RANBP10: variants seen among roughly 807,000 people sequenced by gnomAD.
The protein encoded by RANBP10 is ran-binding protein 10.
In RANBP10, 24 loss-of-function variants were observed where a neutral mutation model predicts 72.8. That is an observed-to-expected ratio of 0.33 (90% confidence interval 0.24 to 0.46). The LOEUF is 0.46. RANBP10 is among the 20% of genes least tolerant of loss of function. The pLI is 1.00. For missense variants in RANBP10, 679 were observed against 817.5 expected, an observed-to-expected ratio of 0.83 and a Z score of 2.07; for synonymous variants, 310 against 322.3, an observed-to-expected ratio of 0.96 and a Z score of 0.41.
intron 5 of RANBP10, among the ~76,000 whole-genome samples, chr16:67,736,795 G>A: frequency 6.6e-6 from 1 of 152,196 alleles, no homozygotes. Context: ...CCCCTCTCTG[G>A]GGCTTCCAGG....
chr16:67,784,292 C>A lies in RANBP10; in HGVS notation c.348-12206G>T, dbSNP rs182907733. On this transcript the variant is annotated intron_variant, in intron 2 of 13. Coordinates refer to ENST00000317506, the MANE Select transcript of RANBP10 (RefSeq NM_020850.3). Reference sequence around the variant, plus strand: ...ATTCCAGTATTTTGGGAGCCCAAGGCGGGTGGATCATTTGAGGTCAGGAGT... The same window carrying A: ...ATTCCAGTATTTTGGGAGCCCAAGGAGGGTGGATCATTTGAGGTCAGGAGT... 4.5e-3 allele frequency among the ~76,000 whole-genome samples: 684 copies of A among 152,228 alleles called. 6 individuals carry two copies. Among genetic ancestry groups the A allele is most frequent in the African/African-American group, 0.016 (668 of 41,546 alleles).
At chr16:67,753,203 C>G (rs1157432759) in intron 3 of RANBP10, among the ~76,000 whole-genome samples, 1 of 133,658 alleles carries the variant, frequency 7.5e-6, no homozygotes, top group Non-Finnish European at 1.6e-5. Context: ...GAAATCTCAT[C>G]TTAAAAAAAA....
intron 3 of RANBP10, among the ~76,000 whole-genome samples, chr16:67,748,286 G>A (rs566764586): frequency 2.6e-5 from 4 of 151,784 alleles, no homozygotes; most frequent in South Asian, 4.2e-4. Context: ...TTGGGAGGCC[G>A]AGGCAGGAGG....
At chr16:67,781,084 C>T (rs13337530) in intron 2 of RANBP10, among the ~76,000 whole-genome samples, 4,463 of 152,284 alleles carry the variant, frequency 0.029, 209 homozygotes, top group African/African-American at 0.1. Context: ...CTGGAGAGCC[C>T]CCAAAGCAGC....
intron 2 of RANBP10, among the ~76,000 whole-genome samples, chr16:67,778,536 A>C (rs1374742963): frequency 3.3e-5 from 5 of 152,190 alleles, no homozygotes; most frequent in Non-Finnish European, 5.9e-5. Context: ...GAAAACATAG[A>C]TAAAGTAAAC....
intron 5 of RANBP10, chr16:67,735,588 C>G (rs1567677213): frequency 6.6e-6 from 1 of 152,114 alleles, no homozygotes; most frequent in Non-Finnish European, 1.5e-5. Context: ...GACCCTGTCT[C>G]TACAAAAAAT....
chr16:67,737,999 A>G lies in RANBP10; in HGVS notation c.591+14T>C, dbSNP rs1365428188. The G allele has an allele frequency of 2.5e-6, 4 of 1,584,974 alleles. No homozygotes were observed. The East Asian group carries it at 9.2e-5, about 36-fold the overall frequency. On this transcript the variant is annotated intron_variant, in intron 5 of 13. Coordinates refer to ENST00000317506, the MANE Select transcript of RANBP10 (RefSeq NM_020850.3). ...CAGAAACCCAGGAGGGGAAGACTCAATAGTAGTACTCACCGGGAGGTCTGT... is the reference window on the plus strand; with the variant it reads ...CAGAAACCCAGGAGGGGAAGACTCAGTAGTAGTACTCACCGGGAGGTCTGT...
At chr16:67,740,389 C>T (rs1400915791) in intron 4 of RANBP10, among the ~76,000 whole-genome samples, 1 of 152,130 alleles carries the variant, frequency 6.6e-6, no homozygotes, top group Non-Finnish European at 1.5e-5. Flanking sequence ...CAGTCGTGAG[C>T]CATCATGCCC....
chr16:67,729,684 G>A lies in RANBP10; in HGVS notation c.1143C>T (p.Asn381=). The A allele has an allele frequency of 1.9e-6, 3 of 1,611,226 alleles. No individual in the cohort carries two copies. The highest frequency in any genetic ancestry group is 2.5e-6 in the Non-Finnish European group (3 of 1,178,516). The change falls in exon 9 of 14, where the codon AAC becomes AAT. Residue 381 remains asparagine, a synonymous_variant. Coordinates refer to ENST00000317506, the MANE Select transcript of RANBP10 (RefSeq NM_020850.3). The surrounding 1 kb of genome is among the most constrained non-coding windows in gnomAD (Gnocchi z 7.1). The stretch of plus-strand genomic sequence containing the variant: ...GCCCTCTGGAGAGTGGCTGACCTGT[G>A]TTGTGCATGTGGGAACTACTGGGGC... ...RHGPSSSHMH[N]TGADSPSCSN... is the part of the protein sequence containing the mutation.
chr16:67,774,060 CA>C (rs1210667153), intron 2 of RANBP10, among the ~76,000 whole-genome samples: 1 of 152,170 alleles, frequency 6.6e-6, no homozygotes, highest in African/African-American at 2.4e-5. Context: ...CAGAGGCTGC[CA>C]AAAGTCAGTC....
At chr16:67,780,648 A>G (rs969485550) in intron 2 of RANBP10, among the ~76,000 whole-genome samples, 1 of 152,256 alleles carries the variant, frequency 6.6e-6, no homozygotes, top group Non-Finnish European at 1.5e-5. Flanking sequence ...TTGAAGAACC[A>G]AAACTGGACA....
chr16:67,793,357 G>A (rs2055065602), intron 2 of RANBP10, among the ~76,000 whole-genome samples: 1 of 148,196 alleles, frequency 6.7e-6, no homozygotes, highest in Non-Finnish European at 1.5e-5. Context: ...TGTTTGACTG[G>A]CTGGAGCACA....
intron 3 of RANBP10, among the ~76,000 whole-genome samples, chr16:67,751,656 C>T (rs2054199227): frequency 6.6e-6 from 1 of 152,062 alleles, no homozygotes; most frequent in Admixed American, 6.6e-5. Flanking sequence ...TGGCTCACGC[C>T]TATAATCCCA....
chr16:67,804,425 A>C (rs529561153), intron 2 of RANBP10, among the ~76,000 whole-genome samples: 1 of 152,060 alleles, frequency 6.6e-6, no homozygotes, highest in African/African-American at 2.4e-5. Context: ...GTTTTGGGAC[A>C]GAGTCTCACT....
intron 2 of RANBP10, 34 bp downstream of exon 2, chr16:67,805,394 G>GA (rs1203939897): frequency 6.3e-7 from 1 of 1,577,314 alleles, no homozygotes; most frequent in East Asian, 2.2e-5. Flanking sequence ...TCAGCTCCAT[G>GA]ATCAGGGAAA....
intron 2 of RANBP10, among the ~76,000 whole-genome samples, chr16:67,776,543 C>A (rs1430418427): frequency 7.0e-6 from 1 of 143,702 alleles, no homozygotes; most frequent in Non-Finnish European, 1.5e-5. Context: ...GGAGCTAAGA[C>A]AGGCAGATCA....
chr16:67,803,830 TAAAAAA>T (rs1186108487), intron 2 of RANBP10, among the ~76,000 whole-genome samples: 9 of 91,600 alleles, frequency 9.8e-5, no homozygotes, highest in African/African-American at 3.5e-4. Flanking sequence ...CCCATCTCAT[TAAAAAA>T]AAAAAAAAAA....
At chr16:67,740,257 C>T (rs2053942787) in intron 4 of RANBP10, among the ~76,000 whole-genome samples, 1 of 152,100 alleles carries the variant, frequency 6.6e-6, no homozygotes, top group African/African-American at 2.4e-5. Flanking sequence ...TGCCCGCCAT[C>T]ATGCCCAGCT....
intron 3 of RANBP10, among the ~76,000 whole-genome samples, chr16:67,756,907 A>T (rs1025149416): frequency 1.3e-5 from 2 of 151,366 alleles, no homozygotes; most frequent in African/African-American, 4.9e-5. Context: ...TGGCAGGAAG[A>T]TTAAAAGAGA....
Sources: gnomAD v4.1 joint callset for allele counts (sites outside exome capture counted in the v4.1 genomes callset) on GRCh38, gnomAD v4.1.1 for gene constraint, Gnocchi (gnomAD v3.1) non-coding constraint, MANE v1.5 for transcripts, NCBI Gene and HGNC (gene_info 2026-07-23, HGNC 2026-07-21) for gene names.